Variants in BMPR1B observed in about 807,000 individuals in gnomAD.
The protein encoded by BMPR1B is bone morphogenetic protein receptor type 1B, also known as bone morphogenetic protein receptor type-1B.
Under a neutral mutation model 59.1 loss-of-function variants are expected in BMPR1B, and 12 were observed. The ratio of observed to expected loss-of-function variants is 0.20; its 90% CI spans 0.13 to 0.33. The LOEUF is 0.33. Ranked by LOEUF, BMPR1B falls within the 10% of genes least tolerant of loss-of-function variation. BMPR1B has a pLI of 1.00. For missense variants in BMPR1B, 550 were observed against 610.9 expected (o/e 0.90, Z 1.05); for synonymous variants, 237 against 207.3 (o/e 1.14, Z -1.23).
At chr4:94,935,710 T>C (rs1469564186) in intron 2 of BMPR1B, among the ~76,000 whole-genome samples, 1 of 152,228 alleles carries the variant, frequency 6.6e-6, no homozygotes, top group Non-Finnish European at 1.5e-5. Context: ...GGGTAGATGC[T>C]GATTTCATTC....
chr4:95,041,729 T>C (rs1725666014), intron 3 of BMPR1B, among the ~76,000 whole-genome samples: 1 of 152,144 alleles, frequency 6.6e-6, no homozygotes, highest in African/African-American at 2.4e-5. Context: ...GCTTTTATCT[T>C]AGGCATACAC....
intron 1 of BMPR1B, among the ~76,000 whole-genome samples, chr4:94,778,093 TATAATA>T (rs574168431): frequency 6.6e-6 from 1 of 152,108 alleles, no homozygotes; most frequent in African/African-American, 2.4e-5. Flanking sequence ...TTAAAGGATA[TATAATA>T]ATAATAAATA....
chr4:95,074,258 A>G (rs564738468), intron 3 of BMPR1B, among the ~76,000 whole-genome samples: 1 of 152,148 alleles, frequency 6.6e-6, no homozygotes, highest in African/African-American at 2.4e-5. Flanking sequence ...CAGTTTCTGT[A>G]TTGCAATATG....
intron 1 of BMPR1B, among the ~76,000 whole-genome samples, chr4:94,818,182 T>C (rs1362150142): frequency 6.6e-6 from 1 of 152,166 alleles, no homozygotes; most frequent in African/African-American, 2.4e-5. Flanking sequence ...TACAAGCCTC[T>C]GTGGTAAATT....
At chr4:95,141,021 A>C (rs946396613) in intron 10 of BMPR1B, among the ~76,000 whole-genome samples, 1 of 152,200 alleles carries the variant, frequency 6.6e-6, no homozygotes, top group African/African-American at 2.4e-5. Flanking sequence ...CAAGAGATGA[A>C]GAGATGAAGA....
At chr4:95,078,268 T>A (rs1046975817) in intron 3 of BMPR1B, among the ~76,000 whole-genome samples, 1 of 152,224 alleles carries the variant, frequency 6.6e-6, no homozygotes, top group African/African-American at 2.4e-5. Context: ...AGTAGTCTTG[T>A]GTGTGCATAT....
At chr4:94,931,523 G>A (rs908961501) in intron 2 of BMPR1B, among the ~76,000 whole-genome samples, 1 of 152,050 alleles carries the variant, frequency 6.6e-6, no homozygotes, top group East Asian at 1.9e-4. Context: ...CAGGCTCTCA[G>A]TGAAGCTCTG....
At chr4:95,098,526 T>G (rs1245188799) in intron 3 of BMPR1B, among the ~76,000 whole-genome samples, 1 of 151,686 alleles carries the variant, frequency 6.6e-6, no homozygotes, top group Non-Finnish European at 1.5e-5. Context: ...ATGAAGATCT[T>G]TTTTTTTGTG....
At chr4:95,116,542 T>C (rs1732078603) in intron 6 of BMPR1B, among the ~76,000 whole-genome samples, 1 of 152,094 alleles carries the variant, frequency 6.6e-6, no homozygotes, top group South Asian at 2.1e-4. Flanking sequence ...ATTGATTTTA[T>C]TTCTTGAGAA....
At chr4:95,051,894 C>G in intron 3 of BMPR1B, 1 of 913,196 alleles carries the variant, frequency 1.1e-6, no homozygotes, top group Non-Finnish European at 1.6e-6. Flanking sequence ...AGTTCCATCC[C>G]CCATTCTCCA....
chr4:94,760,611 C>G (rs564574061), intron 1 of BMPR1B, among the ~76,000 whole-genome samples: 3 of 152,186 alleles, frequency 2.0e-5, no homozygotes. Context: ...TTCAGAAGCC[C>G]CCTCACCACT....
At chr4:94,864,859 T>A (rs1006634180) in intron 1 of BMPR1B, among the ~76,000 whole-genome samples, 4 of 152,192 alleles carry the variant, frequency 2.6e-5, no homozygotes, top group South Asian at 2.1e-4. Flanking sequence ...AACCCATAGT[T>A]ACAGAGGGCT....
chr4:95,028,230 G>C (rs941301585), intron 3 of BMPR1B, among the ~76,000 whole-genome samples: 1 of 152,158 alleles, frequency 6.6e-6, no homozygotes, highest in African/African-American at 2.4e-5. Flanking sequence ...GTATAGCTCA[G>C]TAAAGCAAAA....
intron 3 of BMPR1B, among the ~76,000 whole-genome samples, chr4:95,049,365 C>A (rs936190065): frequency 6.8e-6 from 1 of 146,296 alleles, no homozygotes; most frequent in South Asian, 2.2e-4. Flanking sequence ...CCTCCTGCCT[C>A]AGCCTGCCAA....
intron 2 of BMPR1B, among the ~76,000 whole-genome samples, chr4:94,971,582 A>T (rs116344419): frequency 0.035 from 5,314 of 152,046 alleles, 241 homozygotes; most frequent in African/African-American, 0.096. Context: ...ATCAAATCTA[A>T]TAACTCTTTT....
chr4:94,779,901 G>T (rs7667584), intron 1 of BMPR1B, among the ~76,000 whole-genome samples: 48,434 of 151,566 alleles, frequency 0.32, 8,304 homozygotes, highest in African/African-American at 0.46. Flanking sequence ...TATATTCATA[G>T]TAAATGGATA....
intron 3 of BMPR1B, among the ~76,000 whole-genome samples, chr4:95,104,141 C>T (rs1282610941): frequency 6.6e-6 from 1 of 151,786 alleles, no homozygotes; most frequent in East Asian, 1.9e-4. Flanking sequence ...TCATTGAGCT[C>T]CTTGCACTGT....
intron 10 of BMPR1B, among the ~76,000 whole-genome samples, chr4:95,145,183 A>G (rs1451444845): frequency 6.6e-6 from 1 of 152,044 alleles, no homozygotes; most frequent in Non-Finnish European, 1.5e-5. Flanking sequence ...TTCCTTTTTC[A>G]TTTCCTGCTA....
intron 1 of BMPR1B, among the ~76,000 whole-genome samples, chr4:94,778,770 T>C (rs1474377818): frequency 6.6e-6 from 1 of 152,186 alleles, no homozygotes; most frequent in Non-Finnish European, 1.5e-5. Flanking sequence ...TGATTGTTAA[T>C]GATGATGAGC....
Sources: gnomAD v4.1 joint callset for allele counts (sites outside exome capture counted in the v4.1 genomes callset) on GRCh38, gnomAD v4.1.1 for gene constraint, MANE v1.5 for transcripts, NCBI Gene and HGNC (gene_info 2026-07-23, HGNC 2026-07-21) for gene names.